Variants in PTK2 observed in about 807,000 individuals in gnomAD.
The protein encoded by PTK2 is focal adhesion kinase 1.
Under a neutral mutation model 150.1 loss-of-function variants are expected in PTK2, and 45 were observed. The observed-to-expected ratio is 0.30, with a 90% confidence interval of 0.24 to 0.38. The LOEUF (loss-of-function observed/expected upper bound fraction) is 0.38, where lower values mean the gene tolerates loss of function less well. PTK2 is among the 10% of genes least tolerant of loss of function. PTK2 has a pLI of 1.00. For synonymous variants in PTK2, 432 were observed against 449.2 expected (o/e 0.96, Z 0.48); for missense variants, 919 against 1,307.3 (o/e 0.70, Z 4.58).
At chr8:140,663,764 C>T (rs1357320257) in intron 31 of PTK2, among the ~76,000 whole-genome samples, 3 of 152,084 alleles carry the variant, frequency 2.0e-5, no homozygotes, top group Non-Finnish European at 4.4e-5. Context: ...GCCTGAAACT[C>T]CTGGGCTCAA....
At chr8:140,957,134 G>A (rs967150661) in intron 1 of PTK2, among the ~76,000 whole-genome samples, 1 of 151,992 alleles carries the variant, frequency 6.6e-6, no homozygotes. Flanking sequence ...CATAGAATAT[G>A]GATATAAAGA....
intron 5 of PTK2, among the ~76,000 whole-genome samples, chr8:140,859,019 AG>A (rs1485714979): frequency 1.3e-5 from 2 of 152,222 alleles, no homozygotes; most frequent in African/African-American, 4.8e-5. Context: ...CCTAGCTGAA[AG>A]CAACTAAAAC....
At chr8:140,977,529 G>A (rs2100189714) in intron 1 of PTK2, among the ~76,000 whole-genome samples, 1 of 151,926 alleles carries the variant, frequency 6.6e-6, no homozygotes, top group Admixed American at 6.6e-5. Flanking sequence ...GGCTGAGGCA[G>A]GAGAACTGCT....
intron 4 of PTK2, among the ~76,000 whole-genome samples, chr8:140,873,845 C>T (rs769022429): frequency 1.1e-4 from 17 of 152,176 alleles, no homozygotes; most frequent in Non-Finnish European, 2.5e-4. Context: ...TCCCACTTTG[C>T]AACTTGTTCT....
chr8:140,979,129 A>C, intron 1 of PTK2, among the ~76,000 whole-genome samples: 1 of 102,286 alleles, frequency 9.8e-6, no homozygotes, highest in Admixed American at 1.1e-4. Context: ...GGGAGGGGGG[A>C]GGGATAGCAT....
chr8:140,927,707 A>G (rs1354008046), intron 1 of PTK2, among the ~76,000 whole-genome samples: 2 of 151,894 alleles, frequency 1.3e-5, no homozygotes, highest in African/African-American at 2.4e-5. Flanking sequence ...TGTAATCCCA[A>G]CACTTTGGGA....
intron 7 of PTK2, among the ~76,000 whole-genome samples, chr8:140,833,597 A>C (rs1469149395): frequency 1.3e-5 from 2 of 152,160 alleles, no homozygotes; most frequent in South Asian, 4.1e-4. Context: ...TGTGCACTCT[A>C]ATCAGCAGTA....
At chr8:140,987,540 T>C (rs1458318641) in intron 1 of PTK2, among the ~76,000 whole-genome samples, 1 of 152,138 alleles carries the variant, frequency 6.6e-6, no homozygotes, top group Non-Finnish European at 1.5e-5. Context: ...CAAATAACCA[T>C]ATAAGAAGAT....
chr8:140,914,716 G>T (rs2100164489), intron 2 of PTK2, among the ~76,000 whole-genome samples: 1 of 151,996 alleles, frequency 6.6e-6, no homozygotes. Flanking sequence ...CAGAAGACAA[G>T]ATTTAATTCA....
chr8:140,994,123 T>C (rs1330474386), intron 1 of PTK2, among the ~76,000 whole-genome samples: 1 of 152,214 alleles, frequency 6.6e-6, no homozygotes, highest in Non-Finnish European at 1.5e-5. Flanking sequence ...AGGATTTCAA[T>C]TAAATAAAAT....
intron 22 of PTK2, among the ~76,000 whole-genome samples, chr8:140,732,397 T>C (rs2100049972): frequency 6.6e-6 from 1 of 152,224 alleles, no homozygotes; most frequent in Non-Finnish European, 1.5e-5. Flanking sequence ...TAATTATATG[T>C]AGTTCTAAAA....
chr8:140,783,498 A>T (rs1238398673), intron 14 of PTK2, among the ~76,000 whole-genome samples: 1 of 152,218 alleles, frequency 6.6e-6, no homozygotes, highest in East Asian at 1.9e-4. Flanking sequence ...AACTACCTGT[A>T]TTTATAAGTG....
intron 7 of PTK2, among the ~76,000 whole-genome samples, chr8:140,838,803 G>A (rs1450122574): frequency 6.6e-6 from 1 of 152,038 alleles, no homozygotes; most frequent in African/African-American, 2.4e-5. Flanking sequence ...TCAGGAGATC[G>A]AGACCATCCT....
intron 1 of PTK2, among the ~76,000 whole-genome samples, chr8:140,927,980 A>ATATATATATG (rs1211108626): frequency 8.3e-6 from 1 of 120,552 alleles, no homozygotes; most frequent in African/African-American, 3.0e-5. Flanking sequence ...AAAAAAATAT[A>ATATATATATG]TATATATATA....
At chr8:140,803,234 G>A (rs1489886696) in intron 11 of PTK2, among the ~76,000 whole-genome samples, 4 of 151,872 alleles carry the variant, frequency 2.6e-5, no homozygotes, top group Non-Finnish European at 5.9e-5. Flanking sequence ...CTGGCCTCAA[G>A]TGATCCGCCT....
chr8:140,775,006 A>T (rs2100077578), intron 14 of PTK2, among the ~76,000 whole-genome samples: 1 of 152,226 alleles, frequency 6.6e-6, no homozygotes, highest in Non-Finnish European at 1.5e-5. Flanking sequence ...TTAGTCCAGC[A>T]GCCCACACTG....
chr8:140,921,721 G>A (rs1046041303), intron 2 of PTK2, among the ~76,000 whole-genome samples: 17 of 152,152 alleles, frequency 1.1e-4, no homozygotes, highest in African/African-American at 4.1e-4. Context: ...AGGTATCCAA[G>A]AGGCATGATT....
At chr8:140,929,795 C>T (rs1274016410) in intron 1 of PTK2, among the ~76,000 whole-genome samples, 1 of 151,462 alleles carries the variant, frequency 6.6e-6, no homozygotes, top group Non-Finnish European at 1.5e-5. Context: ...CTTAGTTTCT[C>T]GTCGGTTAAA....
chr8:140,811,642 C>T (rs773018999), intron 10 of PTK2, among the ~76,000 whole-genome samples: 2 of 152,112 alleles, frequency 1.3e-5, no homozygotes, highest in African/African-American at 2.4e-5. Context: ...TACACTGAAA[C>T]CCAATCCAAG....
Sources: gnomAD v4.1 joint callset for allele counts (sites outside exome capture counted in the v4.1 genomes callset) on GRCh38, gnomAD v4.1.1 for gene constraint, MANE v1.5 for transcripts, NCBI Gene and HGNC (gene_info 2026-07-23, HGNC 2026-07-21) for gene names.